Variants in IMMP2L observed in about 807,000 individuals in gnomAD.
IMMP2L encodes the protein inner mitochondrial membrane peptidase subunit 2, also known as mitochondrial inner membrane protease subunit 2.
In IMMP2L, 18 loss-of-function variants were observed where a neutral mutation model predicts 19.3. That is an observed-to-expected ratio of 0.93 (90% CI 0.64 to 1.38). The LOEUF is 1.38. IMMP2L is among the 40% of genes most tolerant of loss of function. The probability of loss-of-function intolerance (pLI) is 0.00; values close to 1 mark genes in which losing one functional copy is unlikely to be tolerated. For synonymous variants in IMMP2L, 76 were observed against 73.0 expected, an observed-to-expected ratio of 1.04 and a Z score of -0.21; for missense variants, 233 against 218.2, an observed-to-expected ratio of 1.07 and a Z score of -0.43.
intron 3 of IMMP2L, among the ~76,000 whole-genome samples, chr7:111,037,835 G>GA (rs1791498724): frequency 6.6e-6 from 1 of 152,134 alleles, no homozygotes; most frequent in South Asian, 2.1e-4. Flanking sequence ...ACTATGTGCA[G>GA]AAAATAGCAA....
In IMMP2L at chr7:111,361,131, T is replaced by C. The variant is rs559148806; in HGVS notation, c.239+126107A>G. On this transcript the variant is annotated intron_variant, in intron 3 of 5. Transcript: ENST00000405709. ...GATTCCTTTTATTAATAGTAAACAA[T>C]AAACTATATTTAAATATAGCCAATT... Among the ~76,000 whole-genome samples, 38 of 152,132 alleles carry C rather than the reference T, an allele frequency of 2.5e-4. No individual in the cohort carries two copies. The East Asian group carries it at 7.3e-3, about 29-fold the overall frequency.
intron 3 of IMMP2L, among the ~76,000 whole-genome samples, chr7:111,434,497 T>A (rs538305259): frequency 1.3e-5 from 2 of 151,636 alleles, no homozygotes; most frequent in Admixed American, 1.3e-4. Flanking sequence ...GCAAAGGACA[T>A]GAACAGTCAT....
At chr7:111,003,868 A>C (rs2129561737) in intron 3 of IMMP2L, among the ~76,000 whole-genome samples, 1 of 152,318 alleles carries the variant, frequency 6.6e-6, no homozygotes. Context: ...TTGAATGTAT[A>C]TCTAATTTTA....
At chr7:111,053,667 C>T (rs370498517) in intron 3 of IMMP2L, among the ~76,000 whole-genome samples, 2 of 152,172 alleles carry the variant, frequency 1.3e-5, no homozygotes, top group African/African-American at 4.8e-5. Flanking sequence ...CTGCTTTGTT[C>T]ATGCCTGATT....
chr7:110,871,448 G>A (rs998359669), intron 5 of IMMP2L, among the ~76,000 whole-genome samples: 1 of 152,102 alleles, frequency 6.6e-6, no homozygotes, highest in African/African-American at 2.4e-5. Flanking sequence ...AAAAGGACTG[G>A]TTATTTGGGT....
intron 5 of IMMP2L, among the ~76,000 whole-genome samples, chr7:110,778,300 C>T: frequency 6.6e-6 from 1 of 151,820 alleles, no homozygotes; most frequent in East Asian, 1.9e-4. Context: ...GTGTATTAAA[C>T]AAAATATAGG....
At chr7:111,486,707 A>G (rs940252285) in intron 3 of IMMP2L, among the ~76,000 whole-genome samples, 3 of 152,154 alleles carry the variant, frequency 2.0e-5, no homozygotes, top group African/African-American at 7.2e-5. Context: ...CTGGAATGAA[A>G]TTTTTGATCC....
intron 5 of IMMP2L, among the ~76,000 whole-genome samples, chr7:110,666,339 A>G (rs2073086972): frequency 6.6e-6 from 1 of 152,102 alleles, no homozygotes; most frequent in South Asian, 2.1e-4. Context: ...CAGTGGCGCA[A>G]TCTCAGCTCA....
At chr7:111,359,447 A>G (rs37658) in intron 3 of IMMP2L, among the ~76,000 whole-genome samples, 86,664 of 151,506 alleles carry the variant, frequency 0.57, 25,569 homozygotes, top group South Asian at 0.72. Context: ...GATTATAGGC[A>G]CCCGCCACCA....
At chr7:110,734,316 A>G (rs1054254844) in intron 5 of IMMP2L, among the ~76,000 whole-genome samples, 2 of 152,242 alleles carry the variant, frequency 1.3e-5, no homozygotes, top group African/African-American at 4.8e-5. Context: ...AACTTATTGG[A>G]AACTGGAGAA....
At chr7:111,226,614 T>C (rs1264108284) in intron 3 of IMMP2L, among the ~76,000 whole-genome samples, 2 of 152,120 alleles carry the variant, frequency 1.3e-5, no homozygotes, top group East Asian at 3.9e-4. Flanking sequence ...GATGATCAAT[T>C]CAACTACCAC....
intron 3 of IMMP2L, among the ~76,000 whole-genome samples, chr7:111,464,980 G>C (rs959032862): frequency 7.2e-5 from 11 of 152,080 alleles, no homozygotes; most frequent in Non-Finnish European, 1.5e-5. Flanking sequence ...TTTTAGTAGA[G>C]ACAAGGTTTC....
At chr7:111,444,219 G>C (rs1348367628) in intron 3 of IMMP2L, among the ~76,000 whole-genome samples, 2 of 151,990 alleles carry the variant, frequency 1.3e-5, no homozygotes, top group African/African-American at 4.8e-5. Flanking sequence ...GCATATTCAT[G>C]TATCCGCTGA....
At chr7:110,731,025 G>A (rs763955531) in intron 5 of IMMP2L, among the ~76,000 whole-genome samples, 11 of 152,270 alleles carry the variant, frequency 7.2e-5, no homozygotes, top group South Asian at 6.2e-4. Flanking sequence ...GCTGATGGGC[G>A]TGACTAGAAA....
intron 3 of IMMP2L, among the ~76,000 whole-genome samples, chr7:111,343,765 T>C (rs966149570): frequency 1.3e-5 from 2 of 152,110 alleles, no homozygotes; most frequent in African/African-American, 2.4e-5. Flanking sequence ...TAGGTGTTCA[T>C]TTACATTTGA....
chr7:110,781,293 T>C (rs141095888), intron 5 of IMMP2L, among the ~76,000 whole-genome samples: 2 of 152,060 alleles, frequency 1.3e-5, no homozygotes, highest in Admixed American at 6.6e-5. Context: ...ATATCCACGA[T>C]ACAATACTGA....
In IMMP2L at chr7:111,025,779, G is replaced by A. The variant is rs187577302; in HGVS notation, c.240-62214C>T. 4.6e-5 allele frequency among the ~76,000 whole-genome samples: 7 copies of A among 152,076 alleles called. No homozygotes were observed. The South Asian group carries it at 1.5e-3, about 32-fold the overall frequency. On this transcript the variant is annotated intron_variant, in intron 3 of 5. Coordinates refer to ENST00000405709, the MANE Select transcript of IMMP2L (RefSeq NM_032549.4). ...TGAATGGATAGATGGCTAGATACAT[G>A]GAATGAATGGTATGAATAACGAATC...
At chr7:111,041,279 G>GA (rs1332470204) in intron 3 of IMMP2L, among the ~76,000 whole-genome samples, 2 of 151,846 alleles carry the variant, frequency 1.3e-5, no homozygotes, top group African/African-American at 2.4e-5. Flanking sequence ...TAAGTTTACA[G>GA]AAAAAAAGGC....
intron 3 of IMMP2L, among the ~76,000 whole-genome samples, chr7:111,158,294 A>T (rs958151670): frequency 7.2e-5 from 11 of 152,102 alleles, no homozygotes; most frequent in African/African-American, 2.7e-4. Context: ...ATAGATATAG[A>T]TACACATATA....
Sources: gnomAD v4.1 joint callset for allele counts (sites outside exome capture counted in the v4.1 genomes callset) on GRCh38, gnomAD v4.1.1 for gene constraint, MANE v1.5 for transcripts, NCBI Gene and HGNC (gene_info 2026-07-23, HGNC 2026-07-21) for gene names.